The following IMPG1 variants were observed in gnomAD, a reference collection of about 807,000 sequenced individuals.
The protein encoded by IMPG1 is interphotoreceptor matrix proteoglycan 1.
Under a neutral mutation model 92.0 loss-of-function variants are expected in IMPG1, and 85 were observed. The ratio of observed to expected loss-of-function variants is 0.92; its 90% CI spans 0.78 to 1.11. The LOEUF is 1.11. Ranked by LOEUF, IMPG1 falls within the 50% of genes least tolerant of loss-of-function variation. The pLI is 0.00. For missense variants in IMPG1, 1,022 were observed against 956.0 expected, an observed-to-expected ratio of 1.07 and a Z score of -0.91; for synonymous variants, 367 against 334.1, an observed-to-expected ratio of 1.10 and a Z score of -1.08.
At chr6:75,962,304 T>A (rs997405024) in intron 12 of IMPG1, among the ~76,000 whole-genome samples, 11 of 151,678 alleles carry the variant, frequency 7.3e-5, no homozygotes, top group Admixed American at 6.6e-4. Flanking sequence ...ATTTTTTTTT[T>A]ATGTAGAAAT....
chr6:76,038,240 T>C (rs573106539), intron 2 of IMPG1, among the ~76,000 whole-genome samples: 3 of 152,314 alleles, frequency 2.0e-5, no homozygotes, highest in African/African-American at 7.2e-5. Flanking sequence ...TTCTTTCTCC[T>C]ACCACAGGAC....
intron 12 of IMPG1, among the ~76,000 whole-genome samples, chr6:75,955,376 T>C (rs1782099816): frequency 6.6e-6 from 1 of 152,222 alleles, no homozygotes; most frequent in Admixed American, 6.5e-5. Flanking sequence ...TTTGTAGCAG[T>C]TGTGAATGGG....
At chr6:76,000,466 G>T (rs1782968157) in intron 12 of IMPG1, among the ~76,000 whole-genome samples, 3 of 151,932 alleles carry the variant, frequency 2.0e-5, no homozygotes, top group Admixed American at 2.0e-4. Flanking sequence ...TTTTTGTATG[G>T]ATCCATGTCT....
chr6:75,923,672 T>G lies in IMPG1; in HGVS notation c.2278A>C (p.Thr760Pro), dbSNP rs567869679. 2 of 1,596,724 alleles carry G rather than the reference T, an allele frequency of 1.3e-6. No individual in the cohort carries two copies. Among genetic ancestry groups the G allele is most frequent in the Admixed American group, 3.4e-5 (2 of 59,480 alleles). Reference protein sequence around the residue: ...PDHSENQAYKTSVKKFQNQQN... With the variant: ...PDHSENQAYKPSVKKFQNQQN... ...TGATTTTGGAACTTTTTAACACTAGTTTTGTATGCTTGATTTTCAGAGTGA... is the reference window on the plus strand; with the variant it reads ...TGATTTTGGAACTTTTTAACACTAGGTTTGTATGCTTGATTTTCAGAGTGA... Residue 760 changes from threonine to proline, a missense_variant, in exon 16 of 17, where the codon ACT (threonine) becomes CCT (proline). Thr to Pro is a conservative substitution (Grantham distance 38). Around this residue, in one of 3 missense-constraint regions of IMPG1, gnomAD observed 332 missense variants for 346.2 expected, o/e 0.96. Coordinates refer to ENST00000369950, the MANE Select transcript of IMPG1 (RefSeq NM_001563.4).
intron 1 of IMPG1, among the ~76,000 whole-genome samples, chr6:76,047,991 G>C (rs1001759213): frequency 6.6e-6 from 1 of 152,172 alleles, no homozygotes; most frequent in African/African-American, 2.4e-5. Context: ...AGTACAATCT[G>C]CATTCCCAGA....
intron 13 of IMPG1, 89 bp from the exon 14 acceptor site, chr6:75,947,622 G>C (rs1175845969): frequency 2.3e-6 from 2 of 887,250 alleles, no homozygotes; most frequent in African/African-American, 3.4e-5. Flanking sequence ...CATTAACCGA[G>C]ACATATATTT....
chr6:76,057,007 G>C (rs1042129866), intron 1 of IMPG1, among the ~76,000 whole-genome samples: 2 of 152,142 alleles, frequency 1.3e-5, no homozygotes, highest in Non-Finnish European at 2.9e-5. Context: ...GACATGGATA[G>C]AGCTAGAATC....
chr6:76,007,025 C>T (rs1886985), intron 9 of IMPG1, among the ~76,000 whole-genome samples: 53,904 of 151,802 alleles, frequency 0.36, 9,811 homozygotes, highest in East Asian at 0.49. Flanking sequence ...TTACTGAGCT[C>T]TCCAAGGTAT....
At chr6:75,996,439 A>G (rs887447705) in intron 12 of IMPG1, among the ~76,000 whole-genome samples, 1 of 152,196 alleles carries the variant, frequency 6.6e-6, no homozygotes, top group Non-Finnish European at 1.5e-5. Context: ...ACCACCGTTA[A>G]CTGCTTTTAT....
chr6:75,939,068 G>A (rs1167087227), intron 14 of IMPG1, among the ~76,000 whole-genome samples: 2 of 152,056 alleles, frequency 1.3e-5, no homozygotes, highest in Non-Finnish European at 2.9e-5. Context: ...TGAACCCCTG[G>A]GCTCAAGCAA....
chr6:76,027,722 T>A (rs564619721), intron 4 of IMPG1, among the ~76,000 whole-genome samples: 6 of 152,336 alleles, frequency 3.9e-5, no homozygotes, highest in African/African-American at 1.4e-4. Context: ...GATAAAACCA[T>A]AACAAAATTT....
intron 15 of IMPG1, among the ~76,000 whole-genome samples, chr6:75,928,195 C>T (rs1186268271): frequency 1.3e-5 from 2 of 148,180 alleles, no homozygotes; most frequent in African/African-American, 2.5e-5. Context: ...CTCAACCTTT[C>T]TTTCTTTCTT....
intron 12 of IMPG1, among the ~76,000 whole-genome samples, chr6:75,954,935 T>C (rs1782093453): frequency 6.6e-6 from 1 of 152,166 alleles, no homozygotes; most frequent in Non-Finnish European, 1.5e-5. Flanking sequence ...ATGTGTGGCA[T>C]TATTTCTGAG....
chr6:75,950,970 C>A lies in IMPG1; in HGVS notation c.1416G>T (p.Gln472His), dbSNP rs1014306890. The A allele has an allele frequency of 6.8e-6, 11 of 1,613,908 alleles. No individual in the cohort carries two copies. Among genetic ancestry groups the A allele is most frequent in the Admixed American group, 1.7e-5 (1 of 59,964 alleles). Reference protein sequence around the residue: ...QGTTDTMATDQTMLVPGLTIP... With the variant: ...QGTTDTMATDHTMLVPGLTIP... ...TGGTGAGCCCTGGTACTAGCATTGT[C>A]TGGTCAGTGGCCATTGTATCTGTGG... The change falls in exon 13 of 17, where the codon CAG becomes CAT. Residue 472 changes from glutamine (Q) to histidine (H), a missense_variant. By Grantham distance (24) the Gln-to-His change is conservative (BLOSUM62 0). This residue lies in a region of IMPG1 where 681 missense variants were observed against 583.6 expected (regional missense o/e 1.17). Transcript: ENST00000369950.
intron 12 of IMPG1, among the ~76,000 whole-genome samples, chr6:75,971,914 T>C (rs181849998): frequency 6.6e-6 from 1 of 152,342 alleles, no homozygotes; most frequent in Admixed American, 6.5e-5. Context: ...TTTTTGCTGA[T>C]TGTGTGTTTG....
chr6:75,999,383 G>T (rs1481724218), intron 12 of IMPG1, among the ~76,000 whole-genome samples: 3 of 152,142 alleles, frequency 2.0e-5, no homozygotes, highest in African/African-American at 7.2e-5. Context: ...GATTTTAATG[G>T]CCTGGTGGGT....
At chr6:76,047,918 AT>A (rs1300599805) in intron 1 of IMPG1, among the ~76,000 whole-genome samples, 4 of 152,180 alleles carry the variant, frequency 2.6e-5, no homozygotes, top group African/African-American at 9.7e-5. Flanking sequence ...GCAAATAAAA[AT>A]TCTTTTCTAA....
chr6:76,065,079 G>T (rs1402514342), intron 1 of IMPG1, among the ~76,000 whole-genome samples: 1 of 151,868 alleles, frequency 6.6e-6, no homozygotes, highest in Non-Finnish European at 1.5e-5. Flanking sequence ...GTTACATCCT[G>T]AAGGGGAAAA....
At chr6:76,044,372 GTGTAACACAGACCA>G (rs1783896814) in intron 1 of IMPG1, among the ~76,000 whole-genome samples, 1 of 152,300 alleles carries the variant, frequency 6.6e-6, no homozygotes, top group East Asian at 1.9e-4. Context: ...GGTCTAGGCA[GTGTAACACAGACCA>G]TATTTAGGGA....
Sources: gnomAD v4.1 joint callset for allele counts (sites outside exome capture counted in the v4.1 genomes callset) on GRCh38, gnomAD v4.1.1 for gene constraint, gnomAD v4.1.1 regional missense constraint, MANE v1.5 for transcripts, NCBI Gene and HGNC (gene_info 2026-07-23, HGNC 2026-07-21) for gene names.